The following SV2B variants were observed in gnomAD, a reference collection of about 807,000 sequenced individuals.
SV2B encodes synaptic vesicle glycoprotein 2B.
SV2B carries 41 observed loss-of-function variants against 73.9 expected under a neutral mutation model. The observed-to-expected ratio is 0.56, with a 90% CI of 0.43 to 0.72. The LOEUF is 0.72. Among genes scored for constraint, SV2B ranks in the 30% least tolerant of loss-of-function variants. SV2B has a pLI of 0.00. For synonymous variants in SV2B, 314 were observed against 314.2 expected (o/e 1.00, Z 0.01); for missense variants, 764 against 857.8 (o/e 0.89, Z 1.37).
At chr15:91,158,192 CTCT>C (rs1190757933) in intron 1 of SV2B, among the ~76,000 whole-genome samples, 2 of 152,160 alleles carry the variant, frequency 1.3e-5, no homozygotes, top group African/African-American at 4.8e-5. Context: ...GTCAAGAGGG[CTCT>C]GCCCTTGTTG....
intron 1 of SV2B, among the ~76,000 whole-genome samples, chr15:91,191,461 A>G (rs148353890): frequency 5.9e-5 from 9 of 152,218 alleles, no homozygotes; most frequent in African/African-American, 1.9e-4. Context: ...CTTTAGCAAG[A>G]ATCTTGTTAA....
chr15:91,159,606 A>G (rs893678978), intron 1 of SV2B, among the ~76,000 whole-genome samples: 1 of 152,258 alleles, frequency 6.6e-6, no homozygotes, highest in East Asian at 1.9e-4. Flanking sequence ...CAAGCATTAC[A>G]TTGAAAGATA....
intron 1 of SV2B, among the ~76,000 whole-genome samples, chr15:91,188,675 C>T (rs7495949): frequency 0.36 from 53,902 of 151,776 alleles, 10,074 homozygotes; most frequent in East Asian, 0.71. Context: ...ACTTAGGGCC[C>T]GCTTTTTTTG....
chr15:91,267,067 C>T lies in SV2B; in HGVS notation c.1119+375C>T, dbSNP rs1272381433. ...AGGCTTGTTCTTGATTTCCAAGAAA[C>T]ATTTTTCTAAAAGGGCAATGCCATT... On this transcript the variant is annotated intron_variant, in intron 7 of 12. Transcript: ENST00000394232. The surrounding 1 kb of genome is among the most constrained non-coding windows in gnomAD (Gnocchi z 4.3). 5.4e-6 allele frequency: 1 copy of T among 184,990 alleles called. No individual in the cohort carries two copies. Among genetic ancestry groups the T allele is most frequent in the African/African-American group, 2.3e-5 (1 of 42,564 alleles). The allele number at this position is 184,990 out of a possible 1,614,324, so 11.5% of individuals were successfully genotyped here.
chr15:91,293,593 G>A lies in SV2B; in HGVS notation c.*1041G>A, dbSNP rs547633626. 1 of 152,360 alleles carries A rather than the reference G, an allele frequency of 6.6e-6. No homozygotes were observed. Among genetic ancestry groups the A allele is most frequent in the African/African-American group, 2.4e-5 (1 of 41,582 alleles). The allele number at this position is 152,360 out of a possible 1,614,324, so 9.4% of individuals were successfully genotyped here. Reference sequence around the variant, plus strand: ...CCACTACCCAAAAACAATGTGAGATGTGTTCAGTGGCCTCTGGTACTCTTT... The same window carrying A: ...CCACTACCCAAAAACAATGTGAGATATGTTCAGTGGCCTCTGGTACTCTTT... On this transcript the variant is annotated 3_prime_UTR_variant, in exon 13 of 13. Coordinates refer to ENST00000394232, the MANE Select transcript of SV2B (RefSeq NM_001323032.3).
At chr15:91,157,702 T>C (rs897290409) in intron 1 of SV2B, among the ~76,000 whole-genome samples, 8 of 152,186 alleles carry the variant, frequency 5.3e-5, no homozygotes, top group Admixed American at 6.5e-5. Context: ...TACCAGGTCA[T>C]AGTGCTAAGT....
Position 91,263,116 on chromosome 15 carries a change from A to G in SV2B, c.1008+2707A>G, listed in dbSNP as rs568073586. On this transcript the variant is annotated intron_variant, in intron 6 of 12. Transcript: ENST00000394232. ...CACGGAGACACACATAGACATAGGC[A>G]CACATACAGAGACACACAGACACAG... 9.2e-5 allele frequency among the ~76,000 whole-genome samples: 14 copies of G among 152,332 alleles called. No homozygotes were observed. The Middle Eastern group carries it at 0.01, about 111-fold the overall frequency.
chr15:91,295,860 T>C lies in SV2B; in HGVS notation c.*3308T>C, dbSNP rs184305455. ...CCTGGGGACACAGTGATGAAAAAAC[T>C]GGCCACAGTTTCTGCTTCCTGCCTC... On this transcript the variant is annotated 3_prime_UTR_variant, in exon 13 of 13. Coordinates refer to ENST00000394232, the MANE Select transcript of SV2B (RefSeq NM_001323032.3). The C allele has an allele frequency of 6.6e-6, 1 of 152,318 alleles. No individual in the cohort carries two copies. The highest frequency in any genetic ancestry group is 6.5e-5 in the Admixed American group (1 of 15,304). 9.4% of individuals were successfully genotyped at this position (152,318 alleles called of 1,614,324 possible).
intron 1 of SV2B, among the ~76,000 whole-genome samples, chr15:91,191,334 G>A (rs1466330467): frequency 2.0e-5 from 3 of 152,172 alleles, no homozygotes; most frequent in Non-Finnish European, 4.4e-5. Context: ...TCTTTGGCCT[G>A]CTGAGCCCAG....
rs143718923 is a variant in SV2B, at chr15:91,268,876, G to A, written c.1373+271G>A. The stretch of plus-strand genomic sequence containing the variant: ...CATTTGACTGAGGACGGTCAGTTGG[G>A]CCATTTTTCCAAGTGATGTCCCATT... On this transcript the variant is annotated intron_variant, in intron 9 of 12. Coordinates refer to ENST00000394232, the MANE Select transcript of SV2B (RefSeq NM_001323032.3). The surrounding 1 kb of genome is among the most constrained non-coding windows in gnomAD (Gnocchi z 4.4). Among the ~76,000 whole-genome samples, 26 of 152,228 alleles carry A rather than the reference G, an allele frequency of 1.7e-4. No homozygotes were observed. Among genetic ancestry groups the A allele is most frequent in the African/African-American group, 6.3e-4 (26 of 41,542 alleles).
chr15:91,107,082 G>A (rs2041903545), intron 1 of SV2B, among the ~76,000 whole-genome samples: 1 of 152,150 alleles, frequency 6.6e-6, no homozygotes, highest in South Asian at 2.1e-4. Flanking sequence ...GGTTGTGTGT[G>A]TGTGTGTGTG....
At position 91,240,902 on chromosome 15, in the gene SV2B, C is replaced by G. The variant is rs2046985287; in HGVS notation, c.452-10917C>G. ...CTCCACTCTTGTACCATTGCTCTTT[C>G]TTGCTCCCCCTGGACATTTCCAGGC... On this transcript the variant is annotated intron_variant, in intron 2 of 12. Transcript: ENST00000394232. This position sits in a 1 kb window ranked among gnomAD's most constrained non-coding sequence, Gnocchi z 4.6. Among the ~76,000 whole-genome samples, 1 of 152,186 alleles carries G rather than the reference C, an allele frequency of 6.6e-6. No homozygotes were observed. Among genetic ancestry groups the G allele is most frequent in the Admixed American group, 6.5e-5 (1 of 15,286 alleles).
intron 1 of SV2B, among the ~76,000 whole-genome samples, chr15:91,138,642 T>C (rs1346388684): frequency 6.6e-6 from 1 of 152,174 alleles, no homozygotes; most frequent in Non-Finnish European, 1.5e-5. Flanking sequence ...CAATATAGTA[T>C]AGCAAATATT....
Position 91,197,617 on chromosome 15 carries a change from A to G in SV2B, c.-391-28256A>G, listed in dbSNP as rs2045299045. On this transcript the variant is annotated intron_variant, in intron 1 of 12. Transcript: ENST00000394232. The surrounding 1 kb of genome is among the most constrained non-coding windows in gnomAD (Gnocchi z 4.9). Reference sequence around the variant, plus strand: ...AAGACAAGAATGGATAAGTAAGGAGAGTTATCCCTAGGAATACTATATAGC... The same window carrying G: ...AAGACAAGAATGGATAAGTAAGGAGGGTTATCCCTAGGAATACTATATAGC... 6.6e-6 allele frequency among the ~76,000 whole-genome samples: 1 copy of G among 152,228 alleles called. No homozygotes were observed. Among genetic ancestry groups the G allele is most frequent in the Non-Finnish European group, 1.5e-5 (1 of 68,024 alleles).
chr15:91,194,544 CT>C (rs2141363286), intron 1 of SV2B, among the ~76,000 whole-genome samples: 1 of 152,310 alleles, frequency 6.6e-6, no homozygotes, highest in East Asian at 1.9e-4. Context: ...ATCTCGTCCT[CT>C]CTCTGAAACT....
At chr15:91,165,855 T>C (rs1279331544) in intron 1 of SV2B, among the ~76,000 whole-genome samples, 2 of 152,246 alleles carry the variant, frequency 1.3e-5, no homozygotes, top group African/African-American at 4.8e-5. Context: ...TGTTATTTCC[T>C]TTCTACTTGA....
rs1312588472 is a variant in SV2B, at chr15:91,240,277, A to G, written c.452-11542A>G. ...GTTTCTTAATGTGTGATATTAAAAT[A>G]CTATTAGTACCTGCCTACAGAAGCA... On this transcript the variant is annotated intron_variant, in intron 2 of 12. Transcript: ENST00000394232. The surrounding 1 kb of genome is among the most constrained non-coding windows in gnomAD (Gnocchi z 4.6). Among the ~76,000 whole-genome samples, 3 of 152,240 alleles carry G rather than the reference A, an allele frequency of 2.0e-5. No individual in the cohort carries two copies. The highest frequency in any genetic ancestry group is 2.9e-5 in the Non-Finnish European group (2 of 68,042).
intron 1 of SV2B, among the ~76,000 whole-genome samples, chr15:91,174,418 C>A (rs2044230342): frequency 6.6e-6 from 1 of 151,978 alleles, no homozygotes; most frequent in African/African-American, 2.4e-5. Flanking sequence ...GTATTCTATT[C>A]ATTTTAGTTC....
rs974805182 is a variant in SV2B at position 91,293,756 on chromosome 15, C to G, written c.*1204C>G. Reference sequence around the variant, plus strand: ...TCCATATTTGTTAGGATGGTCAGGTCTCATGAGAAATCTATGCTATGTGTC... The same window carrying G: ...TCCATATTTGTTAGGATGGTCAGGTGTCATGAGAAATCTATGCTATGTGTC... On this transcript the variant is annotated 3_prime_UTR_variant, in exon 13 of 13. Transcript: ENST00000394232. 3 of 152,202 alleles carry G rather than the reference C, an allele frequency of 2.0e-5. No homozygotes were observed. The highest frequency in any genetic ancestry group is 2.1e-4 in the South Asian group (1 of 4,830). 9.4% of individuals were successfully genotyped at this position (152,202 alleles called of 1,614,324 possible).
Sources: allele counts gnomAD v4.1 joint callset (sites outside exome capture counted in the v4.1 genomes callset), GRCh38; gene constraint gnomAD v4.1.1; non-coding constraint Gnocchi (gnomAD v3.1); transcripts MANE v1.5; gene names NCBI Gene and HGNC (gene_info 2026-07-23, HGNC 2026-07-21).